CNTNAP2: variants seen among roughly 807,000 people sequenced by gnomAD.
CNTNAP2 encodes the protein contactin associated protein 2.
In CNTNAP2, 98 loss-of-function variants were observed where a neutral mutation model predicts 155.2. That is an observed-to-expected ratio of 0.63 (90% CI 0.54 to 0.75). The LOEUF is 0.75. CNTNAP2 is among the 30% of genes least tolerant of loss of function. The probability of loss-of-function intolerance (pLI) is 0.00; values close to 1 mark genes in which losing one functional copy is unlikely to be tolerated. For missense variants in CNTNAP2, 1,727 were observed against 1,688.1 expected, an observed-to-expected ratio of 1.02 and a Z score of -0.40; for synonymous variants, 651 against 631.2, an observed-to-expected ratio of 1.03 and a Z score of -0.47.
At chr7:147,696,526 T>C (rs1033694903) in intron 13 of CNTNAP2, among the ~76,000 whole-genome samples, 1 of 152,188 alleles carries the variant, frequency 6.6e-6, no homozygotes, top group African/African-American at 2.4e-5. Context: ...GAACAACCTG[T>C]TGTCTGTTAG....
intron 1 of CNTNAP2, among the ~76,000 whole-genome samples, chr7:146,139,715 T>G (rs1797850597): frequency 6.6e-6 from 1 of 152,160 alleles, no homozygotes; most frequent in Admixed American, 6.6e-5. Context: ...TAATATGTCT[T>G]TGTATAAGAC....
intron 13 of CNTNAP2, among the ~76,000 whole-genome samples, chr7:147,878,996 C>G (rs1487446142): frequency 6.6e-6 from 1 of 152,190 alleles, no homozygotes; most frequent in Non-Finnish European, 1.5e-5. Context: ...ACACACACTT[C>G]TGTTGGTTTA....
At chr7:146,414,299 C>T (rs73738759) in intron 1 of CNTNAP2, among the ~76,000 whole-genome samples, 2,595 of 152,204 alleles carry the variant, frequency 0.017, 74 homozygotes, top group African/African-American at 0.059. Flanking sequence ...CTGATCAAAT[C>T]GAGATTACAG....
intron 1 of CNTNAP2, among the ~76,000 whole-genome samples, chr7:146,574,173 T>C (rs1402310205): frequency 6.9e-6 from 1 of 144,950 alleles, no homozygotes; most frequent in Non-Finnish European, 1.5e-5. Flanking sequence ...GTATTTCTCC[T>C]TAATCCCTTC....
chr7:146,328,498 A>G (rs1357890477), intron 1 of CNTNAP2, among the ~76,000 whole-genome samples: 2 of 150,458 alleles, frequency 1.3e-5, no homozygotes, highest in Non-Finnish European at 3.0e-5. Flanking sequence ...TAACACATCC[A>G]TAATTCACTT....
At chr7:147,834,771 T>G (rs1798608839) in intron 13 of CNTNAP2, among the ~76,000 whole-genome samples, 2 of 152,210 alleles carry the variant, frequency 1.3e-5, no homozygotes, top group African/African-American at 4.8e-5. Flanking sequence ...GTGGACGTCA[T>G]TTATGTCCAT....
At chr7:147,170,526 G>A (rs1802205668) in intron 8 of CNTNAP2, among the ~76,000 whole-genome samples, 1 of 151,960 alleles carries the variant, frequency 6.6e-6, no homozygotes, top group African/African-American at 2.4e-5. Flanking sequence ...CTCTGTGGAA[G>A]GAGGCATTCC....
chr7:148,177,049 T>C lies in CNTNAP2; in HGVS notation c.3010+4571T>C, dbSNP rs533963119. ...GAGACATAATTTGCAGTACACTCTC[T>C]GTGTGTCTTCTCTGTGTGTTTAAGC... On this transcript the variant is annotated intron_variant, in intron 18 of 23. Coordinates refer to ENST00000361727, the MANE Select transcript of CNTNAP2 (RefSeq NM_014141.6). Among the ~76,000 whole-genome samples the C allele has an allele frequency of 8.5e-4, 129 of 152,342 alleles. 3 individuals carry two copies. The South Asian group carries it at 0.025, about 29-fold the overall frequency.
chr7:148,131,087 C>CTTTTTTTTTTTTTTTTTTTTT (rs755587892), intron 16 of CNTNAP2, among the ~76,000 whole-genome samples: 2 of 97,180 alleles, frequency 2.1e-5, no homozygotes, highest in African/African-American at 4.3e-5. Context: ...TTTTCTTCTT[C>CTTTTTTTTTTTTTTTTTTTTT]TTTTTTTTTT....
intron 18 of CNTNAP2, among the ~76,000 whole-genome samples, chr7:148,214,634 G>C (rs901040644): frequency 6.6e-6 from 1 of 152,032 alleles, no homozygotes; most frequent in Non-Finnish European, 1.5e-5. Context: ...TGCAGTGGCG[G>C]ATCTCGGCTC....
chr7:148,171,777 A>G (rs569799068), intron 17 of CNTNAP2, among the ~76,000 whole-genome samples: 29 of 152,230 alleles, frequency 1.9e-4, no homozygotes, highest in African/African-American at 6.5e-4. Context: ...ACAAGAACCA[A>G]GATCTACAAT....
chr7:146,493,865 G>A (rs1054961600), intron 1 of CNTNAP2, among the ~76,000 whole-genome samples: 1 of 152,016 alleles, frequency 6.6e-6, no homozygotes, highest in Non-Finnish European at 1.5e-5. Context: ...GGTATTATTT[G>A]CAAAAGAAAA....
intron 3 of CNTNAP2, among the ~76,000 whole-genome samples, chr7:147,022,457 T>G (rs1798833118): frequency 6.6e-6 from 1 of 152,112 alleles, no homozygotes; most frequent in African/African-American, 2.4e-5. Flanking sequence ...GTGTTCAGGG[T>G]TATCTACAAA....
chr7:147,602,074 T>C (rs2107859), intron 12 of CNTNAP2, among the ~76,000 whole-genome samples: 102,122 of 151,448 alleles, frequency 0.67, 34,794 homozygotes, highest in African/African-American at 0.75. Context: ...GGTCCAAATG[T>C]CTACTTGTCG....
chr7:146,945,553 G>A (rs1179248142), intron 3 of CNTNAP2, among the ~76,000 whole-genome samples: 3 of 152,084 alleles, frequency 2.0e-5, no homozygotes, highest in Non-Finnish European at 4.4e-5. Context: ...GATTGGGAAG[G>A]ATCTTAATTG....
At chr7:146,992,093 A>C (rs959090718) in intron 3 of CNTNAP2, among the ~76,000 whole-genome samples, 1 of 152,190 alleles carries the variant, frequency 6.6e-6, no homozygotes, top group Admixed American at 6.6e-5. Context: ...GCTATGAATC[A>C]ATATTATGGA....
chr7:146,647,520 CATT>C (rs1799835176), intron 1 of CNTNAP2, among the ~76,000 whole-genome samples: 1 of 152,080 alleles, frequency 6.6e-6, no homozygotes, highest in Admixed American at 6.6e-5. Context: ...TCTTATAAAA[CATT>C]AATTGTTTAA....
At chr7:148,358,440 A>C (rs776019875) in intron 21 of CNTNAP2, among the ~76,000 whole-genome samples, 12 of 152,038 alleles carry the variant, frequency 7.9e-5, no homozygotes, top group Non-Finnish European at 1.2e-4. Context: ...AGCATTTGAG[A>C]ATGTGGAGAT....
intron 1 of CNTNAP2, among the ~76,000 whole-genome samples, chr7:146,577,221 T>C (rs975512232): frequency 1.3e-5 from 2 of 152,142 alleles, no homozygotes; most frequent in Non-Finnish European, 2.9e-5. Flanking sequence ...AAAAATATTG[T>C]TCTGCACAGG....
Sources: allele counts gnomAD v4.1 joint callset (sites outside exome capture counted in the v4.1 genomes callset), GRCh38; gene constraint gnomAD v4.1.1; transcripts MANE v1.5; gene names NCBI Gene and HGNC (gene_info 2026-07-23, HGNC 2026-07-21).